The following OPCML variants were observed in gnomAD, a reference collection of about 807,000 sequenced individuals.
OPCML encodes the protein opioid binding protein/cell adhesion molecule like, also known as opioid-binding protein/cell adhesion molecule.
A neutral mutation model predicts 37.8 loss-of-function variants in OPCML; 13 were observed. The ratio of observed to expected loss-of-function variants is 0.34; its 90% confidence interval spans 0.22 to 0.55. The LOEUF (loss-of-function observed/expected upper bound fraction) is 0.55, where lower values mean the gene tolerates loss of function less well. OPCML is among the 20% of genes least tolerant of loss of function. The probability of loss-of-function intolerance (pLI) is 0.91; values close to 1 mark genes in which losing one functional copy is unlikely to be tolerated. For synonymous variants in OPCML, 176 were observed against 168.8 expected (o/e 1.04, Z -0.33); for missense variants, 341 against 435.6 (o/e 0.78, Z 1.93).
At chr11:132,545,421 C>T (rs2096366583) in intron 3 of OPCML, among the ~76,000 whole-genome samples, 1 of 152,158 alleles carries the variant, frequency 6.6e-6, no homozygotes, top group African/African-American at 2.4e-5. Flanking sequence ...AAATAGGAAA[C>T]TTGCTACAAC....
chr11:133,167,768 G>C (rs925804191), intron 1 of OPCML, among the ~76,000 whole-genome samples: 1 of 152,056 alleles, frequency 6.6e-6, no homozygotes, highest in Non-Finnish European at 1.5e-5. Context: ...AACACAACTT[G>C]TCTAACACTT....
At chr11:132,894,130 A>AT (rs1943750155) in intron 2 of OPCML, among the ~76,000 whole-genome samples, 2 of 152,160 alleles carry the variant, frequency 1.3e-5, no homozygotes, top group African/African-American at 2.4e-5. Flanking sequence ...CAGTCTACTC[A>AT]TTTAAGTCTG....
chr11:132,994,000 C>G (rs1591889570), intron 1 of OPCML, among the ~76,000 whole-genome samples: 1 of 152,248 alleles, frequency 6.6e-6, no homozygotes, highest in East Asian at 1.9e-4. Flanking sequence ...CTCTCCACCT[C>G]CGCAGGGAGA....
At chr11:133,502,459 C>G (rs1178319173) in intron 1 of OPCML, among the ~76,000 whole-genome samples, 1 of 152,178 alleles carries the variant, frequency 6.6e-6, no homozygotes, top group Non-Finnish European at 1.5e-5. Flanking sequence ...CGCTCCCTCG[C>G]CCCAACTGGA....
chr11:133,379,234 A>G (rs554828167), intron 1 of OPCML, among the ~76,000 whole-genome samples: 1 of 152,324 alleles, frequency 6.6e-6, no homozygotes, highest in East Asian at 1.9e-4. Flanking sequence ...ACTAGTCCAC[A>G]CACTAATGAT....
intron 4 of OPCML, among the ~76,000 whole-genome samples, chr11:132,444,912 C>A (rs2096049497): frequency 6.6e-6 from 1 of 152,220 alleles, no homozygotes; most frequent in Non-Finnish European, 1.5e-5. Flanking sequence ...GTGTGATAAA[C>A]CCACTGTTTC....
At chr11:133,108,010 C>T (rs1949187455) in intron 1 of OPCML, among the ~76,000 whole-genome samples, 1 of 152,082 alleles carries the variant, frequency 6.6e-6, no homozygotes, top group Non-Finnish European at 1.5e-5. Flanking sequence ...CACACAACCC[C>T]GCATGCTCAT....
chr11:132,556,950 G>A (rs2096397062), intron 3 of OPCML, among the ~76,000 whole-genome samples: 2 of 152,264 alleles, frequency 1.3e-5, no homozygotes, highest in South Asian at 2.1e-4. Context: ...GAGGAAGAGA[G>A]TTCTGACTCT....
chr11:132,713,023 C>T (rs1944329310), intron 2 of OPCML, among the ~76,000 whole-genome samples: 1 of 152,066 alleles, frequency 6.6e-6, no homozygotes. Flanking sequence ...CTTTCCACAC[C>T]CCAACACAGG....
intron 4 of OPCML, among the ~76,000 whole-genome samples, chr11:132,507,217 G>T (rs2137157534): frequency 6.6e-6 from 1 of 151,788 alleles, no homozygotes; most frequent in South Asian, 2.1e-4. Context: ...GTATTAAAAT[G>T]CATAGATAAG....
At chr11:132,874,189 G>C (rs938783425) in intron 2 of OPCML, among the ~76,000 whole-genome samples, 2 of 152,060 alleles carry the variant, frequency 1.3e-5, no homozygotes, top group African/African-American at 4.8e-5. Flanking sequence ...TCATAATTGG[G>C]GCAGGTATTT....
intron 3 of OPCML, among the ~76,000 whole-genome samples, chr11:132,616,264 A>AT (rs904051870): frequency 6.6e-6 from 1 of 152,230 alleles, no homozygotes; most frequent in African/African-American, 2.4e-5. Context: ...AGTTTACAAG[A>AT]TTTTTACACA....
chr11:132,522,131 T>A (rs1462022953), intron 4 of OPCML, among the ~76,000 whole-genome samples: 1 of 152,234 alleles, frequency 6.6e-6, no homozygotes, highest in Non-Finnish European at 1.5e-5. Context: ...GCCTTTCAGG[T>A]CCATCCAAGT....
intron 1 of OPCML, among the ~76,000 whole-genome samples, chr11:133,478,360 G>A (rs57241602): frequency 0.022 from 3,382 of 152,244 alleles, 116 homozygotes; most frequent in African/African-American, 0.076. Flanking sequence ...GCGAGGAAGA[G>A]GTTTGACTCC....
intron 2 of OPCML, among the ~76,000 whole-genome samples, chr11:132,813,471 G>A (rs1939460359): frequency 6.6e-6 from 1 of 152,156 alleles, no homozygotes; most frequent in Non-Finnish European, 1.5e-5. Flanking sequence ...ACTGCATGAT[G>A]GACACTACCA....
intron 2 of OPCML, among the ~76,000 whole-genome samples, chr11:132,892,490 C>T (rs546259359): frequency 3.3e-5 from 5 of 152,208 alleles, no homozygotes; most frequent in African/African-American, 1.2e-4. Context: ...TATTCTTGGC[C>T]GGGCATGGTG....
chr11:133,380,031 C>G (rs548380710), intron 1 of OPCML, among the ~76,000 whole-genome samples: 1 of 152,118 alleles, frequency 6.6e-6, no homozygotes, highest in East Asian at 1.9e-4. Flanking sequence ...ACAAATCATG[C>G]CCCAGGTACC....
intron 3 of OPCML, among the ~76,000 whole-genome samples, chr11:132,621,117 T>G (rs1467087348): frequency 1.3e-5 from 2 of 152,232 alleles, no homozygotes; most frequent in Non-Finnish European, 1.5e-5. Flanking sequence ...TCTAACCTCC[T>G]CTCATAGCTA....
intron 1 of OPCML, among the ~76,000 whole-genome samples, chr11:133,525,062 C>T (rs12802455): frequency 0.14 from 20,907 of 152,218 alleles, 1,706 homozygotes; most frequent in Admixed American, 0.25. Flanking sequence ...TGGTCTCTGC[C>T]TGTATAAACA....
Sources: gnomAD v4.1 joint callset for allele counts (sites outside exome capture counted in the v4.1 genomes callset) on GRCh38, gnomAD v4.1.1 for gene constraint, MANE v1.5 for transcripts, NCBI Gene and HGNC (gene_info 2026-07-23, HGNC 2026-07-21) for gene names.